The following TTLL13 variants were observed in gnomAD, a reference collection of about 807,000 sequenced individuals.
TTLL13 encodes tubulin tyrosine ligase like 13, also known as tubulin polyglutamylase TTLL13.
chr15:90,250,030 T>C, the TTLL13 span, among the ~76,000 whole-genome samples: 1 of 151,648 alleles, frequency 6.6e-6, no homozygotes, highest in Non-Finnish European at 1.5e-5. Flanking sequence ...TGATCTCGGC[T>C]CACTGCAACC....
the TTLL13 span, among the ~76,000 whole-genome samples, chr15:90,250,096 T>G: frequency 6.6e-6 from 1 of 151,500 alleles, no homozygotes; most frequent in South Asian, 2.1e-4. Flanking sequence ...TAGCTGGGAT[T>G]ACAGGCAACG....
At chr15:90,263,131 C>A in the TTLL13 span, 4 of 1,522,612 alleles carry the variant, frequency 2.6e-6, no homozygotes, top group Non-Finnish European at 3.5e-6. Context: ...CCAGAAAAAA[C>A]TTCATGAGAG....
chr15:90,265,251 C>A, the TTLL13 span: 4 of 1,292,008 alleles, frequency 3.1e-6, no homozygotes, highest in Non-Finnish European at 2.9e-6. Context: ...GGTGATGGGT[C>A]TGAACCCTAG....
At chr15:90,251,001 G>C in the TTLL13 span, 1 of 1,381,308 alleles carries the variant, frequency 7.2e-7, no homozygotes, top group Non-Finnish European at 9.8e-7. Context: ...CTACAAAAGA[G>C]GACAGGAAAT....
At chr15:90,256,608 TCC>T in the TTLL13 span, among the ~76,000 whole-genome samples, 1 of 55,436 alleles carries the variant, frequency 1.8e-5, no homozygotes, top group Non-Finnish European at 3.2e-5. Flanking sequence ...TTTCTTTCTT[TCC>T]TTCCTTCCTT....
chr15:90,257,554 G>C, the TTLL13 span: 1 of 1,289,684 alleles, frequency 7.8e-7, no homozygotes, highest in Non-Finnish European at 1.1e-6. Context: ...CTCGGGAGGG[G>C]TGGGGAGCAA....
the TTLL13 span, chr15:90,257,254 C>T: frequency 1.2e-6 from 2 of 1,613,296 alleles, no homozygotes; most frequent in East Asian, 2.2e-5. Context: ...CCACCACGCC[C>T]TATATGGAGC....
At chr15:90,259,945 A>G in the TTLL13 span, among the ~76,000 whole-genome samples, 4 of 152,184 alleles carry the variant, frequency 2.6e-5, no homozygotes, top group African/African-American at 9.7e-5. Flanking sequence ...TGCTCTTCCC[A>G]CTTACATTCC....
chr15:90,253,403 AG>A, the TTLL13 span: 1 of 1,521,916 alleles, frequency 6.6e-7, no homozygotes. Context: ...GACAGGGGCT[AG>A]GGCCCCAGAA....
At chr15:90,262,017 CTG>C in the TTLL13 span, 6 of 1,532,930 alleles carry the variant, frequency 3.9e-6, no homozygotes, top group Non-Finnish European at 4.4e-6. Flanking sequence ...AAAGAAAAAA[CTG>C]AGTCATCCCA....
the TTLL13 span, chr15:90,256,108 GA>G: frequency 6.2e-7 from 1 of 1,609,066 alleles, no homozygotes; most frequent in Non-Finnish European, 8.5e-7. Context: ...TTGATGCACA[GA>G]AACCTTTTGA....
At chr15:90,256,833 A>T in the TTLL13 span, among the ~76,000 whole-genome samples, 5 of 151,858 alleles carry the variant, frequency 3.3e-5, no homozygotes, top group African/African-American at 7.3e-5. Context: ...GATCACAGGC[A>T]CCTGCCACCA....
the TTLL13 span, among the ~76,000 whole-genome samples, chr15:90,261,138 CCACGATCTTGGCT>C: frequency 2.0e-5 from 3 of 148,128 alleles, no homozygotes; most frequent in African/African-American, 7.5e-5. Flanking sequence ...GAGTGCAGTG[CCACGATCTTGGCT>C]CACTGCAACT....
the TTLL13 span, chr15:90,262,393 AG>A: frequency 1.5e-6 from 2 of 1,305,664 alleles, no homozygotes; most frequent in Non-Finnish European, 2.0e-6. Flanking sequence ...TCCTAAGAAC[AG>A]ATTGTAATTT....
the TTLL13 span, chr15:90,257,517 G>A: frequency 9.5e-7 from 1 of 1,054,220 alleles, no homozygotes; most frequent in Non-Finnish European, 1.4e-6. Flanking sequence ...CAGTCCTCTG[G>A]TGGAGAGAGA....
the TTLL13 span, chr15:90,258,272 G>A: frequency 1.9e-6 from 3 of 1,614,020 alleles, no homozygotes; most frequent in South Asian, 1.1e-5. Context: ...TGCTAGAGGT[G>A]AGGATTATCT....
the TTLL13 span, among the ~76,000 whole-genome samples, chr15:90,259,807 C>T: frequency 0.018 from 2,694 of 152,310 alleles, 65 homozygotes; most frequent in African/African-American, 0.058. Context: ...GTGTTGGTCA[C>T]CCATTGTTGT....
the TTLL13 span, chr15:90,255,748 G>C: frequency 1.2e-6 from 2 of 1,614,156 alleles, no homozygotes; most frequent in South Asian, 2.2e-5. Flanking sequence ...AACTGGCTGT[G>C]TTTCAGAAAA....
chr15:90,259,221 A>G, the TTLL13 span: 1 of 393,936 alleles, frequency 2.5e-6, no homozygotes, highest in Non-Finnish European at 4.5e-6. Flanking sequence ...AAACAAAGGA[A>G]TAATAATTAA....
Sources: allele counts gnomAD v4.1 joint callset (sites outside exome capture counted in the v4.1 genomes callset), GRCh38; gene constraint gnomAD v4.1.1; transcripts MANE v1.5; gene names NCBI Gene and HGNC (gene_info 2026-07-23, HGNC 2026-07-21).